RNF141: variants seen among roughly 807,000 people sequenced by gnomAD.
RNF141 encodes C3HC4-like zinc finger protein.
RNF141 carries 18 observed loss-of-function variants against 27.4 expected under a neutral mutation model. That is an observed-to-expected ratio of 0.66 (90% CI 0.45 to 0.97). RNF141 has a LOEUF of 0.97. Among genes scored for constraint, RNF141 ranks in the 50% least tolerant of loss-of-function variants. The probability of loss-of-function intolerance (pLI) is 0.00; values close to 1 mark genes in which losing one functional copy is unlikely to be tolerated. For synonymous variants in RNF141, 97 were observed against 96.6 expected (o/e 1.00, Z -0.02); for missense variants, 230 against 279.4 (o/e 0.82, Z 1.26).
chr11:10,530,489 G>C (rs1849975798), intron 3 of RNF141, among the ~76,000 whole-genome samples, 154 bp downstream of exon 3: 1 of 152,104 alleles, frequency 6.6e-6, no homozygotes, highest in Non-Finnish European at 1.5e-5. Context: ...GATTCAAACA[G>C]CTAGTTAGAA....
At chr11:10,520,316 T>C (rs1849878483) in intron 4 of RNF141, among the ~76,000 whole-genome samples, 3 of 152,234 alleles carry the variant, frequency 2.0e-5, no homozygotes, top group African/African-American at 7.2e-5. Context: ...AAATATTTTA[T>C]AAGCTTTTTT....
rs1457166363 is a variant in RNF141 at position 10,512,844 on chromosome 11, A to G, written c.*2072T>C. 6.6e-6 allele frequency: 1 copy of G among 152,162 alleles called. No individual in the cohort carries two copies. The highest frequency in any genetic ancestry group is 1.5e-5 in the Non-Finnish European group (1 of 68,032). The allele number at this position is 152,162 out of a possible 1,614,324, so 9.4% of individuals were successfully genotyped here. On this transcript the variant is annotated 3_prime_UTR_variant, in exon 6 of 6. Coordinates refer to ENST00000265981, the MANE Select transcript of RNF141 (RefSeq NM_016422.4). ...ACATGCTGGATATCACCAATGCATT[A>G]ATGTTTTTATTCATTGACTTAATCA... is the stretch of plus-strand genomic sequence containing the variant.
chr11:10,521,707 A>G (rs1849889107), intron 4 of RNF141, among the ~76,000 whole-genome samples: 1 of 152,264 alleles, frequency 6.6e-6, no homozygotes, highest in African/African-American at 2.4e-5. Flanking sequence ...ATGAGATAGA[A>G]AAACAATAGG....
intron 3 of RNF141, among the ~76,000 whole-genome samples, chr11:10,525,718 TTTC>T (rs1282179274): frequency 1.3e-5 from 2 of 152,220 alleles, no homozygotes; most frequent in African/African-American, 4.8e-5. Flanking sequence ...TCTTAAAGAA[TTTC>T]TTAACCACAG....
At chr11:10,527,650 G>C (rs868288013) in intron 3 of RNF141, among the ~76,000 whole-genome samples, 3 of 152,198 alleles carry the variant, frequency 2.0e-5, no homozygotes, top group African/African-American at 4.8e-5. Context: ...AGTCACGGGG[G>C]GGGGTTTTGA....
At chr11:10,538,741 T>C (rs552823467) in intron 1 of RNF141, among the ~76,000 whole-genome samples, 13 of 152,362 alleles carry the variant, frequency 8.5e-5, no homozygotes, top group East Asian at 5.8e-4. Flanking sequence ...CTATTAGTAC[T>C]AGGTTGGAGA....
At chr11:10,526,865 TGGGA>T (rs1849940729) in intron 3 of RNF141, among the ~76,000 whole-genome samples, 1 of 152,160 alleles carries the variant, frequency 6.6e-6, no homozygotes, top group Non-Finnish European at 1.5e-5. Context: ...GATTAAATTT[TGGGA>T]AGGTAAAATC....
intron 4 of RNF141, among the ~76,000 whole-genome samples, chr11:10,523,387 C>A (rs1849904997): frequency 6.6e-6 from 1 of 152,186 alleles, no homozygotes; most frequent in African/African-American, 2.4e-5. Flanking sequence ...ATCTCAGATT[C>A]TTTGGCTGAA....
intron 1 of RNF141, among the ~76,000 whole-genome samples, chr11:10,536,749 G>A (rs1298120130): frequency 1.3e-5 from 2 of 152,194 alleles, no homozygotes; most frequent in Non-Finnish European, 2.9e-5. Flanking sequence ...GGCATGAGCT[G>A]CCGCACCCGG....
intron 3 of RNF141, among the ~76,000 whole-genome samples, chr11:10,526,835 T>C (rs1334241536): frequency 1.3e-5 from 2 of 151,618 alleles, no homozygotes; most frequent in Admixed American, 6.6e-5. Flanking sequence ...TTTAGAACCA[T>C]CTCTAATAAT....
At position 10,525,308 on chromosome 11, in the gene RNF141, A is replaced by T. The variant is rs1849923261; in HGVS notation, c.318T>A (p.Leu106=). The T allele has an allele frequency of 1.2e-6, 2 of 1,612,948 alleles. No individual in the cohort carries two copies. The highest frequency in any genetic ancestry group is 1.7e-6 in the Non-Finnish European group (2 of 1,179,252). The part of the protein sequence containing the change: ...RIMNLYQFIQ[L]YKDITSQAAG... ...CTGCTTGACTTGTGATATCTTTATAAAGTTGAATAAACTGGTATAAATTCA... is the reference window on the plus strand; with the variant it reads ...CTGCTTGACTTGTGATATCTTTATATAGTTGAATAAACTGGTATAAATTCA... Residue 106 remains leucine, a synonymous_variant, in exon 4 of 6, where the codon CTT becomes CTA. Coordinates refer to ENST00000265981, the MANE Select transcript of RNF141 (RefSeq NM_016422.4).
rs1849815464 is a variant in RNF141, at chr11:10,513,180, G to A, written c.*1736C>T. On this transcript the variant is annotated 3_prime_UTR_variant, in exon 6 of 6. Coordinates refer to ENST00000265981, the MANE Select transcript of RNF141 (RefSeq NM_016422.4). The stretch of plus-strand genomic sequence containing the variant: ...TCCATAGGGAGTAGTTAGCTATTTG[G>A]TACTTAGCTGTCCCATTATGAATGT... The A allele has an allele frequency of 6.6e-6, 1 of 152,172 alleles. No homozygotes were observed. The highest frequency in any genetic ancestry group is 1.5e-5 in the Non-Finnish European group (1 of 68,030). 9.4% of individuals were successfully genotyped at this position (152,172 alleles called of 1,614,324 possible).
At chr11:10,521,473 G>A (rs1323888345) in intron 4 of RNF141, among the ~76,000 whole-genome samples, 1 of 152,130 alleles carries the variant, frequency 6.6e-6, no homozygotes, top group Non-Finnish European at 1.5e-5. Context: ...TATAAAAACT[G>A]ACTGTTCCAA....
At position 10,515,072 on chromosome 11, in the gene RNF141, A is replaced by T; in HGVS notation, c.543-6T>A. 6.2e-7 allele frequency: 1 copy of T among 1,604,370 alleles called. No homozygotes were observed. Among genetic ancestry groups the T allele is most frequent in the Non-Finnish European group, 8.5e-7 (1 of 1,176,752 alleles). The stretch of plus-strand genomic sequence containing the variant: ...AATTCCTGTGTCGATCACTCCTATT[A>T]GAGAAGTCAAAACAAAACAGTTTGC... On this transcript the variant is annotated splice_region_variant and splice_polypyrimidine_tract_variant and intron_variant, in intron 5 of 5. Coordinates refer to ENST00000265981, the MANE Select transcript of RNF141 (RefSeq NM_016422.4).
chr11:10,528,931 T>A (rs1849962744), intron 3 of RNF141, among the ~76,000 whole-genome samples: 1 of 152,186 alleles, frequency 6.6e-6, no homozygotes, highest in South Asian at 2.1e-4. Flanking sequence ...GTATAAATAA[T>A]GTGCTGTTGG....
chr11:10,519,913 T>G (rs549392197), intron 4 of RNF141, among the ~76,000 whole-genome samples: 4 of 152,302 alleles, frequency 2.6e-5, no homozygotes, highest in African/African-American at 7.2e-5. Flanking sequence ...TGGGCCACAC[T>G]GGAAGAACTG....
At chr11:10,537,532 T>C (rs1850047693) in intron 1 of RNF141, among the ~76,000 whole-genome samples, 1 of 152,194 alleles carries the variant, frequency 6.6e-6, no homozygotes, top group Non-Finnish European at 1.5e-5. Flanking sequence ...ATAGAATTTC[T>C]CTCCCTCTGC....
chr11:10,531,108 G>A (rs1418114665), intron 2 of RNF141, among the ~76,000 whole-genome samples: 1 of 152,170 alleles, frequency 6.6e-6, no homozygotes, highest in Non-Finnish European at 1.5e-5. Context: ...CCAGGGCAGT[G>A]GCTCACACCT....
At chr11:10,522,332 G>C (rs1432465356) in intron 4 of RNF141, among the ~76,000 whole-genome samples, 2 of 152,202 alleles carry the variant, frequency 1.3e-5, no homozygotes, top group Non-Finnish European at 2.9e-5. Context: ...ATTGTGGAGA[G>C]AGATAAAAGA....
Sources: gnomAD v4.1 joint callset for allele counts (sites outside exome capture counted in the v4.1 genomes callset) on GRCh38, gnomAD v4.1.1 for gene constraint, MANE v1.5 for transcripts, NCBI Gene and HGNC (gene_info 2026-07-23, HGNC 2026-07-21) for gene names.